ESR1: variants seen among roughly 807,000 people sequenced by gnomAD.
ESR1 encodes the protein estrogen receptor.
In ESR1, 12 loss-of-function variants were observed where a neutral mutation model predicts 52.7. The ratio of observed to expected loss-of-function variants is 0.23; its 90% confidence interval spans 0.15 to 0.37. ESR1 has a LOEUF of 0.37. Ranked by LOEUF, ESR1 falls within the 10% of genes least tolerant of loss-of-function variation. The pLI, the probability that ESR1 is intolerant of heterozygous loss-of-function variation, is 1.00. For synonymous variants in ESR1, 305 were observed against 316.8 expected (o/e 0.96, Z 0.39); for missense variants, 584 against 779.7 (o/e 0.75, Z 2.99).
At chr6:151,853,169 C>CAAAAAAAAAAAAAAAAAAAAAAAAAAA (rs386408969) in intron 2 of ESR1, among the ~76,000 whole-genome samples, 1 of 42,880 alleles carries the variant, frequency 2.3e-5, no homozygotes, top group African/African-American at 9.6e-5. Context: ...AGACTCGTCT[C>CAAAAAAAAAAAAAAAAAAAAAAAAAAA]AAAAAAAAAA....
Position 152,098,289 on chromosome 6 carries a change from G to A in ESR1, c.1554-443G>A, listed in dbSNP as rs181973119. Among the ~76,000 whole-genome samples the A allele has an allele frequency of 4.6e-5, 7 of 152,186 alleles. No homozygotes were observed. The highest frequency in any genetic ancestry group is 1.9e-4 in the East Asian group (1 of 5,158). ...GACGTGAGAGATTTAACAATGGAGC[G>A]TCTTGAACTGCTTTACTCATTTAAA... On this transcript the variant is annotated intron_variant, in intron 7 of 7. Transcript: ENST00000206249. This position sits in a 1 kb window ranked among gnomAD's most constrained non-coding sequence, Gnocchi z 5.1.
At chr6:151,774,429 C>T (rs1229768975) in intron 2 of ESR1, among the ~76,000 whole-genome samples, 1 of 152,190 alleles carries the variant, frequency 6.6e-6, no homozygotes, top group Non-Finnish European at 1.5e-5. Flanking sequence ...CATCGTATGC[C>T]AAGAACAGGT....
intron 3 of ESR1, among the ~76,000 whole-genome samples, chr6:151,890,852 C>A (rs987091191): frequency 2.0e-5 from 3 of 152,010 alleles, no homozygotes; most frequent in African/African-American, 7.2e-5. Flanking sequence ...TTTTTGGTCC[C>A]TTCGCCTTCA....
At position 152,025,847 on chromosome 6, in the gene ESR1, C is replaced by G. The variant is rs151295821; in HGVS notation, c.1235+14053C>G. ...TATTTTCATTTCATGATATAGGTAA[C>G]TGATGCTCAGAATTTTCTCAAAGCA... On this transcript the variant is annotated intron_variant, in intron 5 of 7. Coordinates refer to ENST00000206249, the MANE Select transcript of ESR1 (RefSeq NM_000125.4). Among the ~76,000 whole-genome samples the G allele has an allele frequency of 3.2e-3, 490 of 152,044 alleles. 3 individuals are homozygous for G. The highest frequency in any genetic ancestry group is 0.011 in the African/African-American group (449 of 41,544).
chr6:151,939,457 A>T (rs185519188), intron 3 of ESR1, among the ~76,000 whole-genome samples: 10 of 152,340 alleles, frequency 6.6e-5, no homozygotes, highest in African/African-American at 1.7e-4. Flanking sequence ...AATTTCAATT[A>T]TCCATGCCAC....
chr6:151,782,453 T>C (rs149066725), intron 2 of ESR1, among the ~76,000 whole-genome samples: 3 of 152,298 alleles, frequency 2.0e-5, no homozygotes, highest in African/African-American at 7.2e-5. Context: ...AGTGTTTGGG[T>C]TTTTTAAGTT....
At chr6:151,957,909 A>G (rs1304162135) in intron 4 of ESR1, among the ~76,000 whole-genome samples, 1 of 152,172 alleles carries the variant, frequency 6.6e-6, no homozygotes, top group African/African-American at 2.4e-5. Flanking sequence ...AAGGGACCCA[A>G]GCTCATCTGA....
intron 6 of ESR1, among the ~76,000 whole-genome samples, chr6:152,064,760 C>A (rs1032363781): frequency 6.6e-6 from 1 of 152,160 alleles, no homozygotes; most frequent in African/African-American, 2.4e-5. Flanking sequence ...GGACTGTCAA[C>A]AGATGTTACA....
At chr6:152,038,962 G>C (rs2045558643) in intron 5 of ESR1, among the ~76,000 whole-genome samples, 1 of 152,122 alleles carries the variant, frequency 6.6e-6, no homozygotes, top group African/African-American at 2.4e-5. Context: ...TATGTCACAT[G>C]ATACAGGAAA....
chr6:152,113,202 T>G (rs1179447713), intron 6 of ESR1: 1 of 152,392 alleles, frequency 6.6e-6, no homozygotes, highest in Admixed American at 6.5e-5. Flanking sequence ...TTTGTTTGTT[T>G]GTTTGTCTCT....
chr6:151,971,742 A>G (rs1031951045), intron 4 of ESR1, among the ~76,000 whole-genome samples: 1 of 152,160 alleles, frequency 6.6e-6, no homozygotes, highest in Non-Finnish European at 1.5e-5. Flanking sequence ...GTCACACCTC[A>G]GAGAACTAGG....
chr6:151,921,966 C>CT (rs972529927), intron 3 of ESR1, among the ~76,000 whole-genome samples: 16 of 151,730 alleles, frequency 1.1e-4, no homozygotes, highest in South Asian at 4.2e-4. Flanking sequence ...TCAATTTTGG[C>CT]TTTTTTTTGC....
At chr6:152,011,236 G>C (rs768146481) in intron 4 of ESR1, among the ~76,000 whole-genome samples, 34 of 152,094 alleles carry the variant, frequency 2.2e-4, no homozygotes, top group South Asian at 1.2e-3. Flanking sequence ...CATTCTGCCT[G>C]TGCCCCAATT....
intron 7 of ESR1, among the ~76,000 whole-genome samples, chr6:152,097,744 A>G (rs9341061): frequency 7.2e-5 from 11 of 151,742 alleles, no homozygotes; most frequent in Admixed American, 7.2e-4. Context: ...CCCGCTGCCC[A>G]TTTCCCCCCT....
chr6:151,932,993 A>C (rs2033875125), intron 3 of ESR1, among the ~76,000 whole-genome samples: 1 of 152,112 alleles, frequency 6.6e-6, no homozygotes, highest in Admixed American at 6.6e-5. Context: ...CTGTGAAGAA[A>C]GATATTGGTA....
intron 3 of ESR1, among the ~76,000 whole-genome samples, chr6:151,892,307 G>T (rs1794809375): frequency 6.6e-6 from 1 of 152,128 alleles, no homozygotes; most frequent in Non-Finnish European, 1.5e-5. Flanking sequence ...GTATATTGGG[G>T]GTTGGGAGCA....
intron 2 of ESR1, among the ~76,000 whole-genome samples, chr6:151,777,108 C>A (rs1254068450): frequency 7.0e-6 from 1 of 143,506 alleles, no homozygotes. Flanking sequence ...GAGGTCTTTT[C>A]TTTTCTTTTC....
intron 5 of ESR1, among the ~76,000 whole-genome samples, chr6:152,012,189 C>T (rs1240099715): frequency 6.6e-6 from 1 of 151,870 alleles, no homozygotes; most frequent in East Asian, 1.9e-4. Context: ...ACCACAATAG[C>T]CTATTCATTT....
intron 2 of ESR1, among the ~76,000 whole-genome samples, chr6:151,725,285 A>G (rs2128028425): frequency 6.6e-6 from 1 of 152,300 alleles, no homozygotes; most frequent in African/African-American, 2.4e-5. Context: ...GTGTTTGCCA[A>G]ACATCATTGA....
Sources: gnomAD v4.1 joint callset for allele counts (sites outside exome capture counted in the v4.1 genomes callset) on GRCh38, gnomAD v4.1.1 for gene constraint, Gnocchi (gnomAD v3.1) non-coding constraint, MANE v1.5 for transcripts, NCBI Gene and HGNC (gene_info 2026-07-23, HGNC 2026-07-21) for gene names.